TAOK1: variants seen among roughly 807,000 people sequenced by gnomAD.
The protein encoded by TAOK1 is serine/threonine-protein kinase TAO1.
TAOK1 carries 21 observed loss-of-function variants against 138.3 expected under a neutral mutation model. The observed-to-expected ratio is 0.15, with a 90% CI of 0.11 to 0.22. The LOEUF is 0.22. Ranked by LOEUF, TAOK1 falls within the 10% of genes least tolerant of loss-of-function variation. The pLI, the probability that TAOK1 is intolerant of heterozygous loss-of-function variation, is 1.00. For missense variants in TAOK1, 651 were observed against 1,227.7 expected (o/e 0.53, Z 7.02); for synonymous variants, 361 against 398.4 (o/e 0.91, Z 1.12).
intron 2 of TAOK1, among the ~76,000 whole-genome samples, chr17:29,464,305 G>A (rs535326348): frequency 8.6e-5 from 13 of 151,696 alleles, no homozygotes; most frequent in East Asian, 7.8e-4. Flanking sequence ...TTAGCTGGGC[G>A]TGGTGGCGGG....
chr17:29,525,336 C>T (rs923125679), intron 17 of TAOK1, among the ~76,000 whole-genome samples: 10 of 152,122 alleles, frequency 6.6e-5, no homozygotes, highest in African/African-American at 2.4e-4. Context: ...TGGTCTCAAA[C>T]TCCTGACCTC....
intron 16 of TAOK1, among the ~76,000 whole-genome samples, chr17:29,520,419 G>A (rs2031893253): frequency 1.3e-5 from 2 of 151,556 alleles, no homozygotes; most frequent in East Asian, 3.9e-4. Context: ...GCAAGACCCT[G>A]TCTCTACAAA....
rs529112254 is a variant in TAOK1 at position 29,429,338 on chromosome 17, A to G, written c.-94-22117A>G. ...TTTGGAGAGTCTCACTCTGTCCCCC[A>G]CACTGGGGGACACTACACCCTCCAT... On this transcript the variant is annotated intron_variant, in intron 1 of 19. Coordinates refer to ENST00000261716, the MANE Select transcript of TAOK1 (RefSeq NM_020791.4). Among the ~76,000 whole-genome samples, 9 of 151,440 alleles carry G rather than the reference A, an allele frequency of 5.9e-5. No homozygotes were observed. The East Asian group carries it at 1.8e-3, about 29-fold the overall frequency.
intron 1 of TAOK1, among the ~76,000 whole-genome samples, chr17:29,396,330 T>C (rs1003490576): frequency 6.6e-6 from 1 of 152,142 alleles, no homozygotes; most frequent in Non-Finnish European, 1.5e-5. Flanking sequence ...CCTATAAAAG[T>C]TGGAAGAGTT....
chr17:29,447,953 G>A (rs956898427), intron 1 of TAOK1, among the ~76,000 whole-genome samples: 9 of 122,506 alleles, frequency 7.3e-5, no homozygotes, highest in Non-Finnish European at 1.5e-4. Context: ...ACTGCACCTG[G>A]TCTTTTTTTT....
chr17:29,525,033 AAG>A (rs2031986230), intron 17 of TAOK1, among the ~76,000 whole-genome samples: 1 of 152,160 alleles, frequency 6.6e-6, no homozygotes, highest in Non-Finnish European at 1.5e-5. Context: ...AAATTTTTCA[AAG>A]AGTTATTTTT....
intron 3 of TAOK1, among the ~76,000 whole-genome samples, chr17:29,471,804 T>G (rs1000614512): frequency 6.6e-6 from 1 of 152,208 alleles, no homozygotes; most frequent in African/African-American, 2.4e-5. Context: ...AATGCAATGA[T>G]GTTTGACAGC....
chr17:29,507,752 A>G (rs907994076), intron 13 of TAOK1, 144 bp from the exon 14 acceptor site: 4 of 731,178 alleles, frequency 5.5e-6, no homozygotes, highest in Middle Eastern at 3.1e-4. Context: ...TCTTTAAAAG[A>G]CTTGTTGGAA....
chr17:29,503,646 A>G (rs1267285792), intron 13 of TAOK1, among the ~76,000 whole-genome samples: 1 of 152,166 alleles, frequency 6.6e-6, no homozygotes, highest in African/African-American at 2.4e-5. Flanking sequence ...ACGAAATTAC[A>G]TTAAGATACC....
intron 1 of TAOK1, among the ~76,000 whole-genome samples, chr17:29,447,995 CT>C (rs2030137238): frequency 1.5e-5 from 2 of 129,142 alleles, no homozygotes; most frequent in Admixed American, 1.7e-4. Context: ...TACAGATGTA[CT>C]TCCTGCTTTC....
chr17:29,538,167 A>G (rs1455934687), intron 19 of TAOK1, among the ~76,000 whole-genome samples: 1 of 151,960 alleles, frequency 6.6e-6, no homozygotes, highest in East Asian at 1.9e-4. Flanking sequence ...AATCTTATTC[A>G]GCCATTTAAA....
At chr17:29,520,843 G>T (rs2031902319) in intron 16 of TAOK1, among the ~76,000 whole-genome samples, 1 of 151,514 alleles carries the variant, frequency 6.6e-6, no homozygotes, top group Non-Finnish European at 1.5e-5. Context: ...GGCCAACATG[G>T]TGAAAACCCA....
At chr17:29,428,824 C>T (rs150784477) in intron 1 of TAOK1, among the ~76,000 whole-genome samples, 2,132 of 151,212 alleles carry the variant, frequency 0.014, 38 homozygotes, top group Middle Eastern at 0.037. Context: ...GACAGGGTTC[C>T]ACCATGTTGC....
At chr17:29,457,616 G>A (rs2030420074) in intron 2 of TAOK1, among the ~76,000 whole-genome samples, 2 of 150,320 alleles carry the variant, frequency 1.3e-5, no homozygotes, top group Non-Finnish European at 3.0e-5. Flanking sequence ...ATGTTGGCCA[G>A]GCTGGTCTTG....
intron 5 of TAOK1, 121 bp from the exon 6 acceptor site, chr17:29,478,130 A>G: frequency 3.1e-6 from 2 of 635,966 alleles, no homozygotes; most frequent in Non-Finnish European, 5.1e-6. Flanking sequence ...AATCTTTATC[A>G]TCTTGGAAAA....
At chr17:29,464,546 A>T (rs1190231912) in intron 2 of TAOK1, among the ~76,000 whole-genome samples, 1 of 152,172 alleles carries the variant, frequency 6.6e-6, no homozygotes, top group East Asian at 1.9e-4. Flanking sequence ...GTACATTAAA[A>T]TGGGTAAATT....
intron 17 of TAOK1, among the ~76,000 whole-genome samples, chr17:29,526,283 C>T (rs1245182187): frequency 6.6e-6 from 1 of 152,002 alleles, no homozygotes; most frequent in Non-Finnish European, 1.5e-5. Context: ...AAAACTCCAT[C>T]TCAACAAATA....
At chr17:29,492,547 C>T (rs534305179) in intron 10 of TAOK1, among the ~76,000 whole-genome samples, 20 of 152,266 alleles carry the variant, frequency 1.3e-4, no homozygotes, top group African/African-American at 4.6e-4. Flanking sequence ...AATCCCAGCA[C>T]TTTGGGAGGC....
At chr17:29,488,066 A>C (rs756956266) in intron 8 of TAOK1, among the ~76,000 whole-genome samples, 4 of 152,224 alleles carry the variant, frequency 2.6e-5, no homozygotes, top group Non-Finnish European at 4.4e-5. Flanking sequence ...AAACTGAGGG[A>C]CATTCAGGAG....
Sources: allele counts gnomAD v4.1 joint callset (sites outside exome capture counted in the v4.1 genomes callset), GRCh38; gene constraint gnomAD v4.1.1; transcripts MANE v1.5; gene names NCBI Gene and HGNC (gene_info 2026-07-23, HGNC 2026-07-21).